KDR: variants seen among roughly 807,000 people sequenced by gnomAD.
KDR encodes kinase insert domain receptor.
A neutral mutation model predicts 160.9 loss-of-function variants in KDR; 43 were observed. That is an observed-to-expected ratio of 0.27 (90% CI 0.21 to 0.34). The LOEUF (loss-of-function observed/expected upper bound fraction) is 0.34, where lower values mean the gene tolerates loss of function less well. Among genes scored for constraint, KDR ranks in the 10% least tolerant of loss-of-function variants. The pLI is 1.00. For missense variants in KDR, 1,469 were observed against 1,666.4 expected, an observed-to-expected ratio of 0.88 and a Z score of 2.06; for synonymous variants, 617 against 600.1, an observed-to-expected ratio of 1.03 and a Z score of -0.41.
chr4:55,088,957 C>A lies in KDR; in HGVS notation c.3421G>T (p.Asp1141Tyr), dbSNP rs2110010305. ...TGACTGGGCTCCCCGTGCCAGCAGTCCAGCATGGTCTGGTACCTAGAGAAG... is the reference window on the plus strand; with the variant it reads ...TGACTGGGCTCCCCGTGCCAGCAGTACAGCATGGTCTGGTACCTAGAGAAG... ...TTPEMYQTML[D>Y]CWHGEPSQRP... Residue 1141 changes from aspartate (D) to tyrosine (Y), a missense_variant, in exon 26 of 30, where the codon GAC becomes TAC. Transcript: ENST00000263923. 1 of 1,613,406 alleles carries A rather than the reference C, an allele frequency of 6.2e-7. No individual in the cohort carries two copies. The highest frequency in any genetic ancestry group is 2.2e-5 in the East Asian group (1 of 44,864).
intron 18 of KDR, chr4:55,096,759 A>C (rs1578131394): frequency 3.6e-6 from 1 of 281,558 alleles, no homozygotes; most frequent in Non-Finnish European, 6.9e-6. Context: ...TAGGGGCTAT[A>C]CCGAATGTTC....
At chr4:55,110,596 T>A (rs1311882311) in intron 8 of KDR, 30 bp from the exon 9 acceptor site, 1 of 1,612,716 alleles carries the variant, frequency 6.2e-7, no homozygotes, top group Non-Finnish European at 8.5e-7. Context: ...GGAATTAGTA[T>A]AGTCAAAGGA....
At position 55,104,667 on chromosome 4, in the gene KDR, C is replaced by A. The variant is rs747693621; in HGVS notation, c.1963G>T (p.Val655Leu). The A allele has an allele frequency of 6.2e-7, 1 of 1,613,616 alleles. No homozygotes were observed. Among genetic ancestry groups the A allele is most frequent in the South Asian group, 1.1e-5 (1 of 91,052 alleles). The stretch of plus-strand genomic sequence containing the variant: ...CCTAGGACTGTGAGCTGCCTGACCA[C>A]GCAATGTCTTTTCTTGGTCTTCCTG... ...QDRKTKKRHC[V>L]VRQLTVLERV... The change falls in exon 13 of 30, where the codon GTG becomes TTG. Residue 655 changes from valine (V) to leucine (L), a missense_variant. Coordinates refer to ENST00000263923, the MANE Select transcript of KDR (RefSeq NM_002253.4).
Position 55,105,017 on chromosome 4 carries a change from G to T in KDR, c.1646-33C>A, listed in dbSNP as rs369736837. 6 of 1,552,636 alleles carry T rather than the reference G, an allele frequency of 3.9e-6. No individual in the cohort carries two copies. The Admixed American group carries it at 8.4e-5, about 22-fold the overall frequency. On this transcript the variant is annotated intron_variant, in intron 12 of 29. Transcript: ENST00000263923. The stretch of plus-strand genomic sequence containing the variant: ...GAAGAGGCCATAGTTATTGAATGGT[G>T]ATTTAACTTGGTACAGCTCACTATC...
At chr4:55,110,099 CTT>C (rs973413548) in intron 9 of KDR, among the ~76,000 whole-genome samples, 3 of 152,208 alleles carry the variant, frequency 2.0e-5, no homozygotes, top group African/African-American at 7.2e-5. Flanking sequence ...GGTAGTATAA[CTT>C]AGCTTGACAA....
chr4:55,093,402 CTT>C (rs1440649439), intron 21 of KDR, among the ~76,000 whole-genome samples: 3 of 152,178 alleles, frequency 2.0e-5, no homozygotes. Context: ...TCAGATAAGA[CTT>C]ATGGCTTCTT....
chr4:55,103,549 C>G (rs543766944), intron 13 of KDR, among the ~76,000 whole-genome samples: 11 of 152,252 alleles, frequency 7.2e-5, no homozygotes, highest in African/African-American at 2.6e-4. Flanking sequence ...TGAAGCCAGA[C>G]AAGCCAACAG....
intron 22 of KDR, among the ~76,000 whole-genome samples, chr4:55,091,482 G>A (rs758802040): frequency 3.0e-4 from 46 of 152,132 alleles, no homozygotes; most frequent in African/African-American, 8.0e-4. Context: ...GGCGAATTCC[G>A]GCCATAAAAA....
chr4:55,102,484 C>T lies in KDR; in HGVS notation c.2012G>A (p.Gly671Glu), dbSNP rs149740758. 220 of 1,613,764 alleles carry T rather than the reference C, an allele frequency of 1.4e-4. 1 individual carries two copies. The Middle Eastern group carries it at 2.8e-3, about 21-fold the overall frequency. Reference protein sequence around the residue: ...VLERVAPTITGNLENQTTSIG... With the variant: ...VLERVAPTITENLENQTTSIG... ...ACTTGTCGTCTGATTCTCCAGGTTT[C>T]CTGTGATCGTGGGTGCCACACGCTC... The change falls in exon 14 of 30, where the codon GGA (glycine) becomes GAA (glutamate). Residue 671 changes from glycine to glutamate, a missense_variant. Gly to Glu is a moderately conservative substitution (Grantham distance 98). This residue lies in a region of KDR where 792 missense variants were observed against 840.9 expected (regional missense o/e 0.94). Coordinates refer to ENST00000263923, the MANE Select transcript of KDR (RefSeq NM_002253.4).
At chr4:55,115,485 A>G in intron 3 of KDR, 74 bp from the exon 4 acceptor site, 1 of 801,478 alleles carries the variant, frequency 1.2e-6, no homozygotes, top group Non-Finnish European at 2.2e-6. Flanking sequence ...CAGGTTCCTA[A>G]ACTCTAACCA....
chr4:55,090,245 T>C (rs1719975768), intron 22 of KDR, among the ~76,000 whole-genome samples, 167 bp from the exon 23 acceptor site: 1 of 152,202 alleles, frequency 6.6e-6, no homozygotes, highest in African/African-American at 2.4e-5. Flanking sequence ...CTGTGAGCTT[T>C]GCTGAGACAC....
At chr4:55,096,175 C>G in intron 19 of KDR, 54 bp downstream of exon 19, 2 of 953,456 alleles carry the variant, frequency 2.1e-6, no homozygotes, top group Non-Finnish European at 3.4e-6. Context: ...CCCTCAAACA[C>G]TATCAGAGAG....
At chr4:55,110,879 T>G in intron 7 of KDR, 111 bp from the exon 8 acceptor site, 1 of 801,430 alleles carries the variant, frequency 1.2e-6, no homozygotes, top group Non-Finnish European at 2.1e-6. Flanking sequence ...GTAGCTGCAG[T>G]TCCAAGATTT....
chr4:55,080,849 C>A (rs951720023), intron 29 of KDR, among the ~76,000 whole-genome samples: 79 of 152,308 alleles, frequency 5.2e-4, no homozygotes, highest in African/African-American at 1.9e-3. Flanking sequence ...AGGATTTACA[C>A]TTTCACAAGC....
At chr4:55,114,104 G>C in intron 6 of KDR, 22 bp downstream of exon 6, 3 of 1,613,448 alleles carry the variant, frequency 1.9e-6, no homozygotes, top group Non-Finnish European at 1.7e-6. Flanking sequence ...TTGGAGGTCT[G>C]GCTTTGAATC....
chr4:55,086,639 C>T (rs1221024929), intron 27 of KDR, among the ~76,000 whole-genome samples: 7 of 152,230 alleles, frequency 4.6e-5, no homozygotes, highest in Admixed American at 3.3e-4. Flanking sequence ...TTCAATGGAA[C>T]GGTCAGCTGT....
At chr4:55,098,993 T>C (rs1473364122) in intron 15 of KDR, among the ~76,000 whole-genome samples, 190 bp from the exon 16 acceptor site, 1 of 136,188 alleles carries the variant, frequency 7.3e-6, no homozygotes, top group African/African-American at 3.1e-5. Flanking sequence ...ATTTATTTAT[T>C]TATTTATTTA....
At chr4:55,117,884 T>C (rs1412722417) in intron 3 of KDR, among the ~76,000 whole-genome samples, 2 of 152,210 alleles carry the variant, frequency 1.3e-5, no homozygotes, top group African/African-American at 4.8e-5. Context: ...TAGTGTAAGA[T>C]TTTTGAAACA....
rs552958308 is a variant in KDR, at chr4:55,098,676, G to A, written c.2373+21C>T. The A allele has an allele frequency of 3.8e-6, 6 of 1,562,198 alleles. No homozygotes were observed. The Admixed American group carries it at 8.4e-5, about 22-fold the overall frequency. On this transcript the variant is annotated intron_variant, in intron 16 of 29. Coordinates refer to ENST00000263923, the MANE Select transcript of KDR (RefSeq NM_002253.4). ...TCATGAAAACCAATGTGCATGGGCA[G>A]AAGGGAAATTATTTTTTTACCCGCT...
Sources: gnomAD v4.1 joint callset for allele counts (sites outside exome capture counted in the v4.1 genomes callset) on GRCh38, gnomAD v4.1.1 for gene constraint, gnomAD v4.1.1 regional missense constraint, MANE v1.5 for transcripts, NCBI Gene and HGNC (gene_info 2026-07-23, HGNC 2026-07-21) for gene names.